Variants in ZEB2 observed in about 807,000 individuals in gnomAD.
The protein encoded by ZEB2 is zinc finger E-box-binding homeobox 2.
Under a neutral mutation model 99.9 loss-of-function variants are expected in ZEB2, and 6 were observed. The ratio of observed to expected loss-of-function variants is 0.06; its 90% CI spans 0.03 to 0.12. The LOEUF (loss-of-function observed/expected upper bound fraction) is 0.12. Ranked by LOEUF, ZEB2 falls within the 10% of genes least tolerant of loss-of-function variation. ZEB2 has a pLI of 1.00. For synonymous variants in ZEB2, 517 were observed against 542.5 expected, an observed-to-expected ratio of 0.95 and a Z score of 0.65; for missense variants, 969 against 1,502.8, an observed-to-expected ratio of 0.64 and a Z score of 5.87.
chr2:144,411,064 T>TAC (rs1703454430), intron 4 of ZEB2, among the ~76,000 whole-genome samples: 1 of 80,160 alleles, frequency 1.2e-5, no homozygotes, highest in East Asian at 3.7e-4. Flanking sequence ...TGTCTATATA[T>TAC]ATATATATAT....
intron 3 of ZEB2, chr2:144,426,492 C>T (rs917634210): frequency 8.9e-5 from 13 of 145,522 alleles, no homozygotes; most frequent in African/African-American, 3.2e-4. Flanking sequence ...GAGGGGAAAA[C>T]AGTTAACAGC....
In ZEB2 at chr2:144,387,749, TGTAAA is replaced by T. The variant is rs1703104868; in HGVS notation, c.*1697_*1701del. On this transcript the variant is annotated 3_prime_UTR_variant, in exon 10 of 10. Transcript: ENST00000627532. ...CTCGTAATGCAAAAGTAGAAATGTC[TGTAAA>T]GTAAATAGACTAAATTTGAATAATA... The T allele has an allele frequency of 6.6e-6, 1 of 152,164 alleles. No individual in the cohort carries two copies. Among genetic ancestry groups the T allele is most frequent in the Non-Finnish European group, 1.5e-5 (1 of 68,006 alleles). 9.4% of individuals were successfully genotyped at this position (152,164 alleles called of 1,614,324 possible). A position where few individuals can be genotyped will look rare whatever the true frequency, so the allele number is the denominator to read the frequency against.
intron 2 of ZEB2, among the ~76,000 whole-genome samples, chr2:144,434,527 C>T (rs1483558336): frequency 6.6e-6 from 1 of 152,126 alleles, no homozygotes; most frequent in Non-Finnish European, 1.5e-5. Flanking sequence ...TTTAGGTGTA[C>T]AACAGCCAAA....
chr2:144,438,372 G>T (rs184320758), intron 2 of ZEB2, among the ~76,000 whole-genome samples: 1 of 152,080 alleles, frequency 6.6e-6, no homozygotes, highest in African/African-American at 2.4e-5. Flanking sequence ...GGTAGCAAGA[G>T]GTGTGGCTCA....
intron 2 of ZEB2, among the ~76,000 whole-genome samples, chr2:144,474,352 G>A (rs899225091): frequency 6.6e-6 from 1 of 152,118 alleles, no homozygotes; most frequent in African/African-American, 2.4e-5. Context: ...TCTTTTCCAT[G>A]TTAGCACCTG....
At chr2:144,479,021 A>G (rs1704469837) in intron 2 of ZEB2, among the ~76,000 whole-genome samples, 1 of 152,254 alleles carries the variant, frequency 6.6e-6, no homozygotes, top group South Asian at 2.1e-4. Context: ...GGTTTTCTAA[A>G]GTAAAACATA....
At chr2:144,394,178 C>T (rs1425965772) in intron 9 of ZEB2, among the ~76,000 whole-genome samples, 1 of 152,178 alleles carries the variant, frequency 6.6e-6, no homozygotes, top group Non-Finnish European at 1.5e-5. Context: ...GCCTCTGCCT[C>T]CAAAAGTGCT....
At chr2:144,421,784 T>C (rs1703621946) in intron 4 of ZEB2, among the ~76,000 whole-genome samples, 1 of 152,156 alleles carries the variant, frequency 6.6e-6, no homozygotes, top group African/African-American at 2.4e-5. Context: ...CTGTGTGATC[T>C]TGAACATGAT....
chr2:144,515,291 A>C (rs1468818806), intron 2 of ZEB2, among the ~76,000 whole-genome samples: 1 of 152,228 alleles, frequency 6.6e-6, no homozygotes, highest in African/African-American at 2.4e-5. Flanking sequence ...AACGTGCTTT[A>C]GATACTTGTA....
At chr2:144,511,306 G>T in intron 2 of ZEB2, 1 of 915,278 alleles carries the variant, frequency 1.1e-6, no homozygotes, top group Non-Finnish European at 1.4e-6. Context: ...CGCATGGATG[G>T]CTTTTCTTCT....
chr2:144,508,172 A>C (rs1182939951), intron 2 of ZEB2, among the ~76,000 whole-genome samples: 1 of 152,228 alleles, frequency 6.6e-6, no homozygotes, highest in Non-Finnish European at 1.5e-5. Flanking sequence ...AGCTACTGTG[A>C]TGCTGGCGCT....
At chr2:144,488,701 G>GTGTT (rs1463165442) in intron 2 of ZEB2, among the ~76,000 whole-genome samples, 1 of 150,234 alleles carries the variant, frequency 6.7e-6, no homozygotes, top group Non-Finnish European at 1.5e-5. Context: ...GTGTGTGTGT[G>GTGTT]TGATGGGCAT....
At chr2:144,511,577 C>A (rs1040115006) in intron 2 of ZEB2, 44 of 1,279,692 alleles carry the variant, frequency 3.4e-5, no homozygotes, top group Non-Finnish European at 4.4e-5. Context: ...ATACTTGGAT[C>A]TTACTTTTTA....
chr2:144,432,034 CT>C (rs1376276404), intron 2 of ZEB2, among the ~76,000 whole-genome samples: 1 of 150,062 alleles, frequency 6.7e-6, no homozygotes, highest in East Asian at 2.0e-4. Context: ...CTTTTAAGGT[CT>C]TTTTCTGCAT....
At chr2:144,501,379 A>G (rs1294093040) in intron 2 of ZEB2, among the ~76,000 whole-genome samples, 5 of 152,296 alleles carry the variant, frequency 3.3e-5, no homozygotes, top group African/African-American at 1.2e-4. Flanking sequence ...CATGTAAGCA[A>G]TTGTGGATGT....
At chr2:144,404,465 G>A (rs542453482) in intron 5 of ZEB2, among the ~76,000 whole-genome samples, 1 of 152,118 alleles carries the variant, frequency 6.6e-6, no homozygotes, top group South Asian at 2.1e-4. Flanking sequence ...GATTACTCAG[G>A]AACTCACAGT....
rs542739591 is a variant in ZEB2, at chr2:144,457,950, C to A, written c.74-27924G>T. Among the ~76,000 whole-genome samples the A allele has an allele frequency of 4.6e-5, 7 of 152,198 alleles. No homozygotes were observed. The South Asian group carries it at 1.5e-3, about 32-fold the overall frequency. ...TAGGTATTCAATTAAAAATACCATTCTTTTCTTGGTCATAAGAATGTACTT... is the reference window on the plus strand; with the variant it reads ...TAGGTATTCAATTAAAAATACCATTATTTTCTTGGTCATAAGAATGTACTT... On this transcript the variant is annotated intron_variant, in intron 2 of 9. Transcript: ENST00000627532.
intron 2 of ZEB2, among the ~76,000 whole-genome samples, chr2:144,472,566 CATT>C (rs1704373213): frequency 6.6e-6 from 1 of 152,096 alleles, no homozygotes; most frequent in Non-Finnish European, 1.5e-5. Flanking sequence ...CACAACAATC[CATT>C]TTACAGATGA....
In ZEB2 at chr2:144,404,874, C is replaced by T. The variant is rs752377563; in HGVS notation, c.554G>A (p.Arg185His). The change falls in exon 5 of 10, where the codon CGC becomes CAC. Residue 185 changes from arginine (R) to histidine (H), a missense_variant. Physicochemically the swap from Arg to His is conservative, Grantham distance 29. Coordinates refer to ENST00000627532, the MANE Select transcript of ZEB2 (RefSeq NM_014795.4). The part of the protein sequence containing the change: ...IYPEAPEELS[R>H]LGTPEANGQE... The stretch of plus-strand genomic sequence containing the variant: ...CCCATTGGCCTCTGGCGTGCCAAGG[C>T]GAGACAGCTCCTCAGGGGCTTCTGG... The T allele has an allele frequency of 6.2e-6, 10 of 1,614,172 alleles. No homozygotes were observed. The East Asian group carries it at 6.7e-5, about 11-fold the overall frequency.
Sources: allele counts gnomAD v4.1 joint callset (sites outside exome capture counted in the v4.1 genomes callset), GRCh38; gene constraint gnomAD v4.1.1; transcripts MANE v1.5; gene names NCBI Gene and HGNC (gene_info 2026-07-23, HGNC 2026-07-21).